Variants in TMEM171 observed in about 807,000 individuals in gnomAD.
TMEM171 encodes proline-rich protein PRP2.
A neutral mutation model predicts 19.1 loss-of-function variants in TMEM171; 16 were observed. The observed-to-expected ratio is 0.84, with a 90% confidence interval of 0.57 to 1.27. TMEM171 has a LOEUF of 1.27. TMEM171 is among the 50% of genes most tolerant of loss of function. TMEM171 has a pLI of 0.00. For missense variants in TMEM171, 429 were observed against 412.7 expected (o/e 1.04, Z -0.34); for synonymous variants, 153 against 163.4 (o/e 0.94, Z 0.48).
At position 73,127,581 on chromosome 5, in the gene TMEM171, C is replaced by T. The variant is rs193225239; in HGVS notation, c.641-809C>T. Among the ~76,000 whole-genome samples the T allele has an allele frequency of 1.8e-4, 27 of 150,988 alleles. No homozygotes were observed. In the East Asian group the frequency reaches 3.9e-3, roughly 22 times the overall value. ...CCTCCCGAATAGCTGGGATTACAGG[C>T]GCCTGCCACCACGCCTGCCTGATTG... On this transcript the variant is annotated intron_variant, in intron 2 of 3. Coordinates refer to ENST00000454765, the MANE Select transcript of TMEM171 (RefSeq NM_173490.8).
intron 2 of TMEM171, among the ~76,000 whole-genome samples, chr5:73,127,384 A>AATATATATATATATATATATATATAT (rs59879336): frequency 5.4e-4 from 44 of 81,596 alleles, no homozygotes; most frequent in African/African-American, 1.8e-3. Context: ...AAAAAAAAAA[A>AATATATATATATATATATATATATAT]ATATATATAT....
chr5:73,131,468 A>G (rs1744352556), intron 3 of TMEM171, 70 bp from the exon 4 acceptor site: 1 of 1,267,714 alleles, frequency 7.9e-7, no homozygotes, highest in African/African-American at 1.5e-5. Flanking sequence ...ACATTTGAAA[A>G]GAACCTAGTA....
At chr5:73,130,183 G>T (rs1470306371) in intron 3 of TMEM171, among the ~76,000 whole-genome samples, 2 of 152,080 alleles carry the variant, frequency 1.3e-5, no homozygotes, top group Non-Finnish European at 2.9e-5. Context: ...TTTTGGGAGA[G>T]AGAGGAGGTG....
At chr5:73,121,716 T>C (rs1239716646) in intron 1 of TMEM171, among the ~76,000 whole-genome samples, 3 of 152,180 alleles carry the variant, frequency 2.0e-5, no homozygotes, top group Admixed American at 2.0e-4. Flanking sequence ...CCTGGAAAAG[T>C]TTTTCCCAGT....
intron 2 of TMEM171, 124 bp from the exon 3 acceptor site, chr5:73,128,266 G>T (rs2112925159): frequency 9.0e-7 from 1 of 1,111,522 alleles, no homozygotes; most frequent in Non-Finnish European, 1.3e-6. Context: ...TTTAAATTTT[G>T]GAGTTAGCAG....
intron 2 of TMEM171, among the ~76,000 whole-genome samples, chr5:73,124,318 A>G (rs1744106142): frequency 6.6e-6 from 1 of 152,228 alleles, no homozygotes; most frequent in Non-Finnish European, 1.5e-5. Context: ...AGTGAGAAGA[A>G]CCATGAGGAC....
rs1744074318 is a variant in TMEM171, at chr5:73,123,737, A to G, written c.364A>G (p.Ser122Gly). 6.2e-7 allele frequency: 1 copy of G among 1,614,030 alleles called. No individual in the cohort carries two copies. Among genetic ancestry groups the G allele is most frequent in the Non-Finnish European group, 8.5e-7 (1 of 1,180,028 alleles). The change falls in exon 2 of 4, where the codon AGC becomes GGC. Residue 122 changes from serine to glycine, a missense_variant. By Grantham distance (56) the Ser-to-Gly change is moderately conservative. Coordinates refer to ENST00000454765, the MANE Select transcript of TMEM171 (RefSeq NM_173490.8). ...TATCTTTGGGTTTCTGTTCTTGACAAGCGGCATGCTCATCAGCGTCCTGGG... is the reference window on the plus strand; with the variant it reads ...TATCTTTGGGTTTCTGTTCTTGACAGGCGGCATGCTCATCAGCGTCCTGGG... Reference protein sequence around the residue: ...CLIFGFLFLTSGMLISVLGIW... With the variant: ...CLIFGFLFLTGGMLISVLGIW...
chr5:73,129,016 G>A (rs143395392), intron 3 of TMEM171, among the ~76,000 whole-genome samples: 30 of 152,310 alleles, frequency 2.0e-4, no homozygotes, highest in Middle Eastern at 6.8e-3. Flanking sequence ...TCGATTGAAC[G>A]CAAGAGACAG....
rs111697809 is a variant in TMEM171 at position 73,124,648 on chromosome 5, C to T, written c.640+635C>T. Among the ~76,000 whole-genome samples, 1,437 of 152,196 alleles carry T rather than the reference C, an allele frequency of 9.4e-3. 21 individuals are homozygous for T. The highest frequency in any genetic ancestry group is 0.032 in the African/African-American group (1,335 of 41,514). On this transcript the variant is annotated intron_variant, in intron 2 of 3. Coordinates refer to ENST00000454765, the MANE Select transcript of TMEM171 (RefSeq NM_173490.8). ...GTCCTTCTTTTTTTGTGACATCATC[C>T]GTGGCTGCAGGGCTGAGGCAAAGCT...
chr5:73,131,475 A>G, intron 3 of TMEM171, 63 bp from the exon 4 acceptor site: 2 of 1,320,126 alleles, frequency 1.5e-6, no homozygotes, highest in South Asian at 1.6e-5. Flanking sequence ...AAAAGAACCT[A>G]GTACTAAAGG....
rs746629743 is a variant in TMEM171, at chr5:73,123,570, G to A, written c.197G>A (p.Cys66Tyr). ...PMVLKVAGPA[C>Y]AVVGLGAVIL... ...GTGCTCAAGGTGGCGGGGCCTGCAT[G>A]TGCCGTGGTTGGGCTTGGGGCTGTG... The change falls in exon 2 of 4, where the codon TGT becomes TAT. Residue 66 changes from cysteine to tyrosine, a missense_variant. Cys to Tyr is a radical substitution (Grantham distance 194). Transcript: ENST00000454765. 2 of 1,614,130 alleles carry A rather than the reference G, an allele frequency of 1.2e-6. No homozygotes were observed. The highest frequency in any genetic ancestry group is 2.7e-5 in the African/African-American group (2 of 74,948).
At chr5:73,127,529 C>T (rs1316817564) in intron 2 of TMEM171, among the ~76,000 whole-genome samples, 18 of 140,370 alleles carry the variant, frequency 1.3e-4, no homozygotes, top group South Asian at 2.3e-4. Context: ...CTCTGCCTCC[C>T]GGGTTCAAGC....
intron 2 of TMEM171, among the ~76,000 whole-genome samples, chr5:73,125,320 T>A (rs1279162897): frequency 1.3e-5 from 2 of 152,232 alleles, no homozygotes; most frequent in Non-Finnish European, 2.9e-5. Context: ...AGGTCCCCTG[T>A]GTGAAATTCA....
At chr5:73,120,917 C>T (rs562136926) in intron 1 of TMEM171, among the ~76,000 whole-genome samples, 2 of 152,334 alleles carry the variant, frequency 1.3e-5, no homozygotes, top group South Asian at 4.1e-4. Context: ...TTTCGTTCCC[C>T]AAACGCACCA....
At chr5:73,125,583 G>A (rs1744140873) in intron 2 of TMEM171, among the ~76,000 whole-genome samples, 1 of 152,174 alleles carries the variant, frequency 6.6e-6, no homozygotes, top group Non-Finnish European at 1.5e-5. Flanking sequence ...ATGAAAAAAG[G>A]GGCTCCCTTT....
intron 1 of TMEM171, among the ~76,000 whole-genome samples, chr5:73,121,376 G>A (rs1351541066): frequency 6.6e-6 from 1 of 152,104 alleles, no homozygotes; most frequent in Non-Finnish European, 1.5e-5. Flanking sequence ...GAGATTGCAT[G>A]ATTCAGGAAA....
intron 1 of TMEM171, among the ~76,000 whole-genome samples, chr5:73,122,141 C>A (rs964227072): frequency 6.6e-6 from 1 of 152,194 alleles, no homozygotes; most frequent in Non-Finnish European, 1.5e-5. Context: ...TCTTTCAAAG[C>A]CAAGTTCCCC....
At chr5:73,128,249 G>A in intron 2 of TMEM171, 141 bp from the exon 3 acceptor site, 2 of 958,718 alleles carry the variant, frequency 2.1e-6, no homozygotes, top group Non-Finnish European at 3.2e-6. Context: ...CATTTAATGG[G>A]CTTACTTTTA....
In TMEM171 at chr5:73,128,410, C is replaced by T. The variant is rs777521225; in HGVS notation, c.661C>T (p.Pro221Ser). ...VTVGDSVIIF[P>S]PPPPPYFPES... ...CTTAGGTGACTCGGTAATAATATTT[C>T]CACCCCCTCCACCACCTTACTTTCC... The change falls in exon 3 of 4, where the codon CCA (proline) becomes TCA (serine). Residue 221 changes from proline to serine, a missense_variant. Transcript: ENST00000454765. 6.2e-7 allele frequency: 1 copy of T among 1,614,146 alleles called. No homozygotes were observed. The highest frequency in any genetic ancestry group is 2.2e-5 in the East Asian group (1 of 44,878).
Sources: allele counts gnomAD v4.1 joint callset (sites outside exome capture counted in the v4.1 genomes callset), GRCh38; gene constraint gnomAD v4.1.1; transcripts MANE v1.5; gene names NCBI Gene and HGNC (gene_info 2026-07-23, HGNC 2026-07-21).